OVOL2: variants seen among roughly 807,000 people sequenced by gnomAD.
OVOL2 encodes transcription factor Ovo-like 2.
OVOL2 carries 13 observed loss-of-function variants against 18.1 expected under a neutral mutation model. The ratio of observed to expected loss-of-function variants is 0.72; its 90% confidence interval spans 0.47 to 1.14. The LOEUF (loss-of-function observed/expected upper bound fraction) is 1.14. Among genes scored for constraint, OVOL2 ranks in the 50% most tolerant of loss-of-function variants. The pLI is 0.00. For synonymous variants in OVOL2, 166 were observed against 162.7 expected, an observed-to-expected ratio of 1.02 and a Z score of -0.16; for missense variants, 335 against 383.0, an observed-to-expected ratio of 0.87 and a Z score of 1.05.
intron 2 of OVOL2, among the ~76,000 whole-genome samples, chr20:18,055,119 C>T (rs2036808676): frequency 6.6e-6 from 1 of 152,098 alleles, no homozygotes; most frequent in Non-Finnish European, 1.5e-5. Context: ...GGCAACTAAT[C>T]TAGGAAATAA....
Position 18,057,718 on chromosome 20 carries a change from C to T in OVOL2, c.-84G>A. The T allele has an allele frequency of 6.8e-7, 1 of 1,464,782 alleles. No individual in the cohort carries two copies. Among genetic ancestry groups the T allele is most frequent in the Non-Finnish European group, 9.0e-7 (1 of 1,110,380 alleles). 90.7% of individuals were successfully genotyped at this position (1,464,782 alleles called of 1,614,324 possible). ...AACGGCGGCGGCTCCGTCCCCGGCT[C>T]CCGGCGGCCAGAGCCCACCTTCCCG... On this transcript the variant is annotated 5_prime_UTR_variant, in exon 1 of 4. Coordinates refer to ENST00000278780, the MANE Select transcript of OVOL2 (RefSeq NM_021220.4). This position sits in a 1 kb window ranked among gnomAD's most constrained non-coding sequence, Gnocchi z 6.3.
intron 3 of OVOL2, among the ~76,000 whole-genome samples, chr20:18,034,809 G>A (rs141537807): frequency 1.4e-3 from 211 of 152,266 alleles, no homozygotes; most frequent in African/African-American, 4.9e-3. Context: ...ATTTCTTTGT[G>A]TTTTGAGTCT....
At position 18,056,708 on chromosome 20, in the gene OVOL2, G is replaced by C. The variant is rs758399811; in HGVS notation, c.270C>G (p.Pro90=). The C allele has an allele frequency of 3.4e-6, 5 of 1,459,474 alleles. No homozygotes were observed. Among genetic ancestry groups the C allele is most frequent in the South Asian group, 2.9e-5 (2 of 69,868 alleles). The allele number at this position is 1,459,474 out of a possible 1,614,324, so 90.4% of individuals were successfully genotyped here. ...ETPEPGDAEG[P]DGHLATKQRP... ...GCTGCTTGGTCGCCAGGTGTCCATCGGGGCCCTCGGCGTCGCCGGGCTCGG... is the reference window on the plus strand; with the variant it reads ...GCTGCTTGGTCGCCAGGTGTCCATCCGGGCCCTCGGCGTCGCCGGGCTCGG... Residue 90 remains proline (P), a synonymous_variant, in exon 2 of 4, where the codon CCC becomes CCG. Coordinates refer to ENST00000278780, the MANE Select transcript of OVOL2 (RefSeq NM_021220.4). This position sits in a 1 kb window ranked among gnomAD's most constrained non-coding sequence, Gnocchi z 4.2.
At position 18,057,834 on chromosome 20, in the gene OVOL2, G is replaced by T; in HGVS notation, c.-200C>A. The T allele has an allele frequency of 7.3e-7, 1 of 1,365,384 alleles. No individual in the cohort carries two copies. The allele number at this position is 1,365,384 out of a possible 1,614,324, so 84.6% of individuals were successfully genotyped here. A position where few individuals can be genotyped will look rare whatever the true frequency, so the allele number is the denominator to read the frequency against. ...GCGACTCCCAGCCTCCCGGCTCGGC[G>T]ACACCTATGCCTTAAATCGCGAGTG... On this transcript the variant is annotated 5_prime_UTR_variant, in exon 1 of 4. Coordinates refer to ENST00000278780, the MANE Select transcript of OVOL2 (RefSeq NM_021220.4). The surrounding 1 kb of genome is among the most constrained non-coding windows in gnomAD (Gnocchi z 6.3).
chr20:18,038,508 T>G (rs2036639720), intron 3 of OVOL2, among the ~76,000 whole-genome samples: 1 of 152,312 alleles, frequency 6.6e-6, no homozygotes, highest in African/African-American at 2.4e-5. Flanking sequence ...TTGTAAACTC[T>G]TCTCTGAGAA....
At chr20:18,037,775 T>C (rs554137198) in intron 3 of OVOL2, among the ~76,000 whole-genome samples, 5 of 152,270 alleles carry the variant, frequency 3.3e-5, no homozygotes, top group African/African-American at 1.2e-4. Context: ...TCCAGTGGGA[T>C]TGAGCCTCCG....
intron 3 of OVOL2, among the ~76,000 whole-genome samples, chr20:18,039,344 G>A (rs761591861): frequency 2.0e-5 from 3 of 152,118 alleles, no homozygotes; most frequent in Admixed American, 6.5e-5. Flanking sequence ...GTTTTTGGCC[G>A]GGTGTGGTGG....
chr20:18,056,637 G>A lies in OVOL2; in HGVS notation c.321+20C>T. The A allele has an allele frequency of 7.2e-7, 1 of 1,390,742 alleles. No homozygotes were observed. The highest frequency in any genetic ancestry group is 9.3e-7 in the Non-Finnish European group (1 of 1,072,672). The allele number at this position is 1,390,742 out of a possible 1,614,324, so 86.2% of individuals were successfully genotyped here. On this transcript the variant is annotated intron_variant, in intron 2 of 3. Transcript: ENST00000278780. This position sits in a 1 kb window ranked among gnomAD's most constrained non-coding sequence, Gnocchi z 4.2. ...CAGGGCGTGGTGCAGGTGGCGGCGGGGGCAGAGTCGACACAGTACCTTGAT... is the reference window on the plus strand; with the variant it reads ...CAGGGCGTGGTGCAGGTGGCGGCGGAGGCAGAGTCGACACAGTACCTTGAT...
intron 2 of OVOL2, among the ~76,000 whole-genome samples, chr20:18,042,101 C>T (rs1170769570): frequency 2.6e-5 from 4 of 151,874 alleles, no homozygotes; most frequent in African/African-American, 4.8e-5. Context: ...TCAGTAGAGA[C>T]AGGGTTTCAC....
chr20:18,024,973 C>T (rs2036499221), intron 3 of OVOL2, 21 bp from the exon 4 acceptor site: 2 of 1,595,058 alleles, frequency 1.3e-6, no homozygotes, highest in South Asian at 2.2e-5. Context: ...GAGGGACAGA[C>T]ACAGCATCGG....
rs2036839895 is a variant in OVOL2, at chr20:18,057,406, C to G, written c.100+129G>C. On this transcript the variant is annotated intron_variant, in intron 1 of 3. Transcript: ENST00000278780. This position sits in a 1 kb window ranked among gnomAD's most constrained non-coding sequence, Gnocchi z 6.3. ...GCCTGCCCTAACCCGCCTAGAAGAC[C>G]CCCGCGTGCCCCCCGGAAGAGGGGG... 17 of 1,101,084 alleles carry G rather than the reference C, an allele frequency of 1.5e-5. No individual in the cohort carries two copies. Among genetic ancestry groups the G allele is most frequent in the Non-Finnish European group, 1.9e-5 (15 of 778,368 alleles). The allele number at this position is 1,101,084 out of a possible 1,614,324, so 68.2% of individuals were successfully genotyped here.
chr20:18,056,589 C>T lies in OVOL2; in HGVS notation c.321+68G>A. 1 of 1,296,412 alleles carries T rather than the reference C, an allele frequency of 7.7e-7. No homozygotes were observed. The highest frequency in any genetic ancestry group is 2.4e-5 in the South Asian group (1 of 41,680). 80.3% of individuals were successfully genotyped at this position (1,296,412 alleles called of 1,614,324 possible). ...CGCAGGCGGGCGCGGCAGGGAGGGG[C>T]GCCGGCCTCGGGAGCCCGACGCCAG... On this transcript the variant is annotated intron_variant, in intron 2 of 3. Transcript: ENST00000278780. The surrounding 1 kb of genome is among the most constrained non-coding windows in gnomAD (Gnocchi z 4.2).
At chr20:18,052,544 G>C (rs2036779803) in intron 2 of OVOL2, among the ~76,000 whole-genome samples, 1 of 152,152 alleles carries the variant, frequency 6.6e-6, no homozygotes, top group Non-Finnish European at 1.5e-5. Context: ...AATGGTTGTT[G>C]GGGCTGGGTG....
intron 2 of OVOL2, among the ~76,000 whole-genome samples, chr20:18,049,393 G>A: frequency 6.6e-6 from 1 of 152,166 alleles, no homozygotes; most frequent in Non-Finnish European, 1.5e-5. Flanking sequence ...GATGTTTCTA[G>A]CAGACAAGTT....
rs1347229744 is a variant in OVOL2 at position 18,057,122 on chromosome 20, G to A, written c.101-245C>T. 2.0e-5 allele frequency among the ~76,000 whole-genome samples: 3 copies of A among 152,200 alleles called. No individual in the cohort carries two copies. The highest frequency in any genetic ancestry group is 4.4e-5 in the Non-Finnish European group (3 of 68,034). On this transcript the variant is annotated intron_variant, in intron 1 of 3. Transcript: ENST00000278780. This position sits in a 1 kb window ranked among gnomAD's most constrained non-coding sequence, Gnocchi z 6.3. ...GAGGAACCGGGCGGCCACGAGCGGCGGAGGACCCCGCGCGCCAAGTTTCCT... is the reference window on the plus strand; with the variant it reads ...GAGGAACCGGGCGGCCACGAGCGGCAGAGGACCCCGCGCGCCAAGTTTCCT...
rs2036824643 is a variant in OVOL2, at chr20:18,056,359, T to C, written c.321+298A>G. Among the ~76,000 whole-genome samples the C allele has an allele frequency of 6.6e-6, 1 of 152,250 alleles. No homozygotes were observed. Among genetic ancestry groups the C allele is most frequent in the Admixed American group, 6.5e-5 (1 of 15,290 alleles). On this transcript the variant is annotated intron_variant, in intron 2 of 3. Transcript: ENST00000278780. The surrounding 1 kb of genome is among the most constrained non-coding windows in gnomAD (Gnocchi z 4.2). ...ACGGGCTGCTGGCGGAAGGCAGTGA[T>C]GCCTGTGCCTTTTCGGCAGTTCCAG...
intron 2 of OVOL2, among the ~76,000 whole-genome samples, chr20:18,047,211 G>A (rs138895490): frequency 6.6e-6 from 1 of 152,298 alleles, no homozygotes; most frequent in East Asian, 1.9e-4. Context: ...CCTGTAAAAT[G>A]TGAATAATAA....
chr20:18,029,414 C>T (rs1175459090), intron 3 of OVOL2, among the ~76,000 whole-genome samples: 4 of 152,176 alleles, frequency 2.6e-5, no homozygotes, highest in Non-Finnish European at 2.9e-5. Flanking sequence ...CCCCAGGAGG[C>T]TCTAGTGTGC....
intron 2 of OVOL2, among the ~76,000 whole-genome samples, chr20:18,043,345 T>A (rs1378131064): frequency 1.3e-5 from 2 of 152,200 alleles, no homozygotes; most frequent in Non-Finnish European, 2.9e-5. Flanking sequence ...CAGAATGCAA[T>A]GAAGATGTGT....
Sources: gnomAD v4.1 joint callset for allele counts (sites outside exome capture counted in the v4.1 genomes callset) on GRCh38, gnomAD v4.1.1 for gene constraint, Gnocchi (gnomAD v3.1) non-coding constraint, MANE v1.5 for transcripts, NCBI Gene and HGNC (gene_info 2026-07-23, HGNC 2026-07-21) for gene names.